Variants in PPFIA2 observed in about 807,000 individuals in gnomAD.
PPFIA2 encodes the protein PPFI scaffold protein A2.
PPFIA2 carries 46 observed loss-of-function variants against 175.5 expected under a neutral mutation model. The ratio of observed to expected loss-of-function variants is 0.26; its 90% CI spans 0.21 to 0.34. The LOEUF (loss-of-function observed/expected upper bound fraction) is 0.34, where lower values mean the gene tolerates loss of function less well. Ranked by LOEUF, PPFIA2 falls within the 10% of genes least tolerant of loss-of-function variation. The pLI is 1.00. For missense variants in PPFIA2, 1,179 were observed against 1,506.1 expected (o/e 0.78, Z 3.60); for synonymous variants, 568 against 511.4 (o/e 1.11, Z -1.49).
At position 81,381,007 on chromosome 12, in the gene PPFIA2, C is replaced by CAA. The variant is rs201103099; in HGVS notation, c.984+3014_984+3015dup. On this transcript the variant is annotated intron_variant, in intron 9 of 32. Transcript: ENST00000549396. ...GTGTGTGTGTGTGTGTGTGTGTATA[C>CAA]AAAAAAAAAAAAGTGATGCATGCAG... Among the ~76,000 whole-genome samples the CAA allele has an allele frequency of 1.1e-3, 137 of 128,142 alleles. 2 individuals are homozygous for CAA. The highest frequency in any genetic ancestry group is 2.4e-3 in the African/African-American group (81 of 34,462). The allele number at this position is 128,142 out of a possible 152,430, so 84.1% of individuals were successfully genotyped here. A position where few individuals can be genotyped will look rare whatever the true frequency, so the allele number is the denominator to read the frequency against.
intron 4 of PPFIA2, among the ~76,000 whole-genome samples, chr12:81,660,358 T>G (rs996606700): frequency 1.3e-5 from 2 of 152,148 alleles, no homozygotes; most frequent in Non-Finnish European, 2.9e-5. Context: ...TTAAAGGACC[T>G]GATGGACCTG....
intron 11 of PPFIA2, among the ~76,000 whole-genome samples, chr12:81,369,896 T>G (rs1276613014): frequency 1.3e-5 from 2 of 151,696 alleles, no homozygotes; most frequent in African/African-American, 4.8e-5. Context: ...GTTGATGGTT[T>G]TAAATAAAAA....
intron 5 of PPFIA2, among the ~76,000 whole-genome samples, chr12:81,451,099 C>T (rs1200521630): frequency 6.6e-6 from 1 of 152,044 alleles, no homozygotes; most frequent in Non-Finnish European, 1.5e-5. Flanking sequence ...TTTTTGTTGA[C>T]ACACATACAC....
intron 21 of PPFIA2, among the ~76,000 whole-genome samples, chr12:81,326,497 T>C (rs896809198): frequency 6.6e-6 from 1 of 152,136 alleles, no homozygotes; most frequent in Non-Finnish European, 1.5e-5. Context: ...TTAAACTTCA[T>C]AATATTTTTT....
At chr12:81,718,177 C>T (rs1337681061) in intron 3 of PPFIA2, among the ~76,000 whole-genome samples, 1 of 151,558 alleles carries the variant, frequency 6.6e-6, no homozygotes, top group Non-Finnish European at 1.5e-5. Context: ...CAGGTAGTGA[C>T]ATGGCTTTGT....
intron 4 of PPFIA2, among the ~76,000 whole-genome samples, chr12:81,483,391 T>G (rs1258793624): frequency 6.6e-6 from 1 of 152,094 alleles, no homozygotes; most frequent in Non-Finnish European, 1.5e-5. Context: ...AAATAAAGTA[T>G]TTATAAGCTA....
chr12:81,340,941 G>A, intron 20 of PPFIA2, 137 bp downstream of exon 20: 1 of 936,404 alleles, frequency 1.1e-6, no homozygotes. Flanking sequence ...TTTCACAAGT[G>A]ATACTGGGAA....
At chr12:81,668,491 C>T (rs553699663) in intron 4 of PPFIA2, among the ~76,000 whole-genome samples, 1 of 152,030 alleles carries the variant, frequency 6.6e-6, no homozygotes, top group Non-Finnish European at 1.5e-5. Flanking sequence ...TACATCTAAC[C>T]CATGGAAGTA....
intron 4 of PPFIA2, among the ~76,000 whole-genome samples, chr12:81,477,732 C>T (rs1009674627): frequency 3.3e-5 from 5 of 152,176 alleles, no homozygotes. Context: ...TTGAACCAGC[C>T]TTGCATCCTA....
chr12:81,275,429 C>T (rs2040266180), intron 28 of PPFIA2, among the ~76,000 whole-genome samples: 1 of 152,084 alleles, frequency 6.6e-6, no homozygotes, highest in African/African-American at 2.4e-5. Flanking sequence ...AATGTACTTT[C>T]CAAGACCTGA....
At chr12:81,582,885 A>T (rs1396168729) in intron 4 of PPFIA2, among the ~76,000 whole-genome samples, 1 of 151,890 alleles carries the variant, frequency 6.6e-6, no homozygotes, top group Non-Finnish European at 1.5e-5. Flanking sequence ...CTATAATAAC[A>T]TTAAGCAAAG....
At chr12:81,632,114 T>A (rs1661394591) in intron 4 of PPFIA2, among the ~76,000 whole-genome samples, 2 of 152,218 alleles carry the variant, frequency 1.3e-5, no homozygotes, top group African/African-American at 4.8e-5. Flanking sequence ...TTAGAAAATA[T>A]TCATTAACAG....
At chr12:81,275,602 A>T (rs919686525) in intron 28 of PPFIA2, among the ~76,000 whole-genome samples, 5 of 152,174 alleles carry the variant, frequency 3.3e-5, no homozygotes, top group African/African-American at 9.7e-5. Flanking sequence ...AGATGAAAAC[A>T]GAGATTCATG....
intron 4 of PPFIA2, among the ~76,000 whole-genome samples, chr12:81,666,789 G>A (rs2153558176): frequency 6.6e-6 from 1 of 151,938 alleles, no homozygotes; most frequent in Admixed American, 6.6e-5. Flanking sequence ...AAAAGAAATA[G>A]AGGCACAAAG....
chr12:81,522,423 C>G (rs1014300575), intron 4 of PPFIA2, among the ~76,000 whole-genome samples: 1 of 151,970 alleles, frequency 6.6e-6, no homozygotes, highest in African/African-American at 2.4e-5. Context: ...TGAAGATTCA[C>G]TCTCTGAAAA....
chr12:81,601,315 T>C (rs2153456028), intron 4 of PPFIA2, among the ~76,000 whole-genome samples: 1 of 152,058 alleles, frequency 6.6e-6, no homozygotes, highest in East Asian at 1.9e-4. Flanking sequence ...GAATGTCTAT[T>C]TGGAAACAAC....
Position 81,375,921 on chromosome 12 carries a change from T to C in PPFIA2, c.1006A>G (p.Met336Val). ...TCAAGGGTTGTAATTCTTTCTTCCA[T>C]ATCTTCCTTTTGTGCCATGGCCTAC... is the stretch of plus-strand genomic sequence containing the variant. The part of the protein sequence containing the change: ...IREAMAQKED[M>V]EERITTLEKR... The change falls in exon 10 of 33, where the codon ATG (methionine) becomes GTG (valine). Residue 336 changes from methionine to valine, a missense_variant. Transcript: ENST00000549396. 1 of 1,613,304 alleles carries C rather than the reference T, an allele frequency of 6.2e-7. No individual in the cohort carries two copies. Among genetic ancestry groups the C allele is most frequent in the Non-Finnish European group, 8.5e-7 (1 of 1,179,478 alleles).
intron 4 of PPFIA2, among the ~76,000 whole-genome samples, chr12:81,659,068 A>G (rs991769991): frequency 2.0e-5 from 3 of 152,176 alleles, no homozygotes; most frequent in African/African-American, 4.8e-5. Context: ...TTATAAATTA[A>G]CAGTACAACG....
chr12:81,510,196 A>T (rs2061622158), intron 4 of PPFIA2, among the ~76,000 whole-genome samples: 1 of 152,112 alleles, frequency 6.6e-6, no homozygotes, highest in South Asian at 2.1e-4. Flanking sequence ...TTAATAACAT[A>T]TATACAAATA....
Sources: allele counts gnomAD v4.1 joint callset (sites outside exome capture counted in the v4.1 genomes callset), GRCh38; gene constraint gnomAD v4.1.1; transcripts MANE v1.5; gene names NCBI Gene and HGNC (gene_info 2026-07-23, HGNC 2026-07-21).